Variants in PDE2A observed in about 807,000 individuals in gnomAD.
The protein encoded by PDE2A is phosphodiesterase 2A.
In PDE2A, 53 loss-of-function variants were observed where a neutral mutation model predicts 133.6. The ratio of observed to expected loss-of-function variants is 0.40; its 90% CI spans 0.32 to 0.50. The LOEUF (loss-of-function observed/expected upper bound fraction) is 0.50, where lower values mean the gene tolerates loss of function less well. Ranked by LOEUF, PDE2A falls within the 20% of genes least tolerant of loss-of-function variation. The pLI is 0.73. For synonymous variants in PDE2A, 491 were observed against 490.2 expected, an observed-to-expected ratio of 1.00 and a Z score of -0.02; for missense variants, 796 against 1,232.4, an observed-to-expected ratio of 0.65 and a Z score of 5.30.
chr11:72,673,772 T>C (rs553852190), intron 1 of PDE2A, among the ~76,000 whole-genome samples: 1 of 152,090 alleles, frequency 6.6e-6, no homozygotes, highest in Admixed American at 6.5e-5. Context: ...ACCAGCCTAT[T>C]GCAGCCCCGA....
intron 26 of PDE2A, 46 bp from the exon 27 acceptor site, chr11:72,579,429 A>T (rs1334668275): frequency 1.3e-6 from 2 of 1,569,822 alleles, no homozygotes; most frequent in African/African-American, 2.7e-5. Flanking sequence ...GGACACCCCC[A>T]CCCATTTGCC....
At chr11:72,639,408 C>T (rs1203073664) in intron 2 of PDE2A, among the ~76,000 whole-genome samples, 3 of 152,190 alleles carry the variant, frequency 2.0e-5, no homozygotes, top group Non-Finnish European at 4.4e-5. Flanking sequence ...GGCTGCTCAG[C>T]CCCGCTGACA....
intron 1 of PDE2A, among the ~76,000 whole-genome samples, chr11:72,671,103 C>T (rs1056322588): frequency 1.3e-5 from 2 of 152,156 alleles, no homozygotes; most frequent in Admixed American, 6.5e-5. Context: ...CTTCAAGGTC[C>T]GGCTCAAATG....
At chr11:72,614,995 C>G in intron 2 of PDE2A, 2 of 402,452 alleles carry the variant, frequency 5.0e-6, no homozygotes, top group South Asian at 3.4e-5. Context: ...CCTCTACTTA[C>G]CCCCTCCCGC....
At chr11:72,599,341 G>T (rs1159858047) in intron 4 of PDE2A, among the ~76,000 whole-genome samples, 1 of 151,850 alleles carries the variant, frequency 6.6e-6, no homozygotes, top group Non-Finnish European at 1.5e-5. Flanking sequence ...ATACCCAAAG[G>T]CCACCTGGAG....
At chr11:72,631,890 C>A (rs553068572) in intron 2 of PDE2A, among the ~76,000 whole-genome samples, 12 of 152,290 alleles carry the variant, frequency 7.9e-5, no homozygotes, top group African/African-American at 2.9e-4. Context: ...CACCCCCACC[C>A]AACAAGCCTA....
chr11:72,662,877 T>C (rs906211833), intron 1 of PDE2A, among the ~76,000 whole-genome samples: 2 of 152,156 alleles, frequency 1.3e-5, no homozygotes, highest in African/African-American at 4.8e-5. Context: ...TTTCCTCTGC[T>C]TCCCTTTGTG....
At chr11:72,606,419 C>A (rs1285704470) in intron 3 of PDE2A, among the ~76,000 whole-genome samples, 1 of 152,192 alleles carries the variant, frequency 6.6e-6, no homozygotes, top group Non-Finnish European at 1.5e-5. Context: ...CTGAGAGCGT[C>A]CACAATCCTG....
chr11:72,591,417 T>C, intron 6 of PDE2A, 61 bp from the exon 7 acceptor site: 1 of 1,336,512 alleles, frequency 7.5e-7, no homozygotes. Context: ...TCTGCCAGAG[T>C]GCCCTCCCCA....
At chr11:72,611,480 C>T (rs916480556) in intron 2 of PDE2A, among the ~76,000 whole-genome samples, 6 of 152,198 alleles carry the variant, frequency 3.9e-5, no homozygotes, top group Admixed American at 2.0e-4. Context: ...ATGCCCTCAA[C>T]TGTCCTTTAC....
At chr11:72,618,574 AC>A (rs777113961) in intron 2 of PDE2A, among the ~76,000 whole-genome samples, 7 of 152,142 alleles carry the variant, frequency 4.6e-5, no homozygotes, top group Non-Finnish European at 1.0e-4. Context: ...ACTCCCCTGA[AC>A]CCAGACCTTC....
chr11:72,629,940 C>T (rs905528907), intron 2 of PDE2A, among the ~76,000 whole-genome samples: 1 of 152,144 alleles, frequency 6.6e-6, no homozygotes, highest in African/African-American at 2.4e-5. Flanking sequence ...ATCTTCCTCT[C>T]CCTCTCAGCC....
chr11:72,627,315 C>G (rs1858130220), intron 2 of PDE2A, among the ~76,000 whole-genome samples: 1 of 152,204 alleles, frequency 6.6e-6, no homozygotes, highest in Non-Finnish European at 1.5e-5. Context: ...CGTGGGGTAA[C>G]AGGTTTCCCA....
In PDE2A at chr11:72,578,900, G is replaced by T; in HGVS notation, c.2466C>A (p.Ile822=). The change falls in exon 28 of 31, where the codon ATC becomes ATA. Residue 822 remains isoleucine (I), a synonymous_variant. Transcript: ENST00000334456. This position sits in a 1 kb window ranked among gnomAD's most constrained non-coding sequence, Gnocchi z 4.2. ...TCCCAGGGAGGACTACACCTACCGCGATCTTTCTCGTAGTCTTCCAGCCCT... is the reference window on the plus strand; with the variant it reads ...TCCCAGGGAGGACTACACCTACCGCTATCTTTCTCGTAGTCTTCCAGCCCT... ...QTKGWKTTRK[I]AELIYKEFFS... is the part of the protein sequence containing the mutation. 2 of 1,604,658 alleles carry T rather than the reference G, an allele frequency of 1.2e-6. No individual in the cohort carries two copies. Among genetic ancestry groups the T allele is most frequent in the Non-Finnish European group, 1.7e-6 (2 of 1,171,444 alleles).
At chr11:72,653,286 G>T (rs946703636) in intron 1 of PDE2A, among the ~76,000 whole-genome samples, 31 of 152,220 alleles carry the variant, frequency 2.0e-4, no homozygotes, top group Middle Eastern at 3.2e-3. Context: ...GAGGCCCAGA[G>T]ATAAGAGCAG....
At chr11:72,644,945 T>C (rs554200287) in intron 1 of PDE2A, among the ~76,000 whole-genome samples, 1 of 152,088 alleles carries the variant, frequency 6.6e-6, no homozygotes, top group Non-Finnish European at 1.5e-5. Context: ...TTAGTACAGA[T>C]GGGATTTCGC....
rs1053649035 is a variant in PDE2A, at chr11:72,589,671, C to G, written c.873+80G>C. The G allele has an allele frequency of 4.1e-6, 5 of 1,217,754 alleles. No individual in the cohort carries two copies. In the African/African-American group the frequency reaches 6.0e-5, roughly 15 times the overall value. The allele number at this position is 1,217,754 out of a possible 1,614,324, so 75.4% of individuals were successfully genotyped here. On this transcript the variant is annotated intron_variant, in intron 11 of 30. Coordinates refer to ENST00000334456, the MANE Select transcript of PDE2A (RefSeq NM_002599.5). The stretch of plus-strand genomic sequence containing the variant: ...TCCAAGAGTCTAGAAGATCCAAATA[C>G]TCCAGGCAGATCCCAGGAGTGTCTA...
intron 6 of PDE2A, among the ~76,000 whole-genome samples, chr11:72,593,119 C>T (rs1338866682): frequency 1.3e-5 from 2 of 151,800 alleles, no homozygotes; most frequent in Non-Finnish European, 2.9e-5. Context: ...CACCTACACT[C>T]TCATGAAGAA....
At chr11:72,608,377 T>C (rs1363483964) in intron 3 of PDE2A, among the ~76,000 whole-genome samples, 1 of 152,180 alleles carries the variant, frequency 6.6e-6, no homozygotes, top group Non-Finnish European at 1.5e-5. Context: ...GTGAATCCCT[T>C]TCATTATCTG....
Sources: gnomAD v4.1 joint callset for allele counts (sites outside exome capture counted in the v4.1 genomes callset) on GRCh38, gnomAD v4.1.1 for gene constraint, Gnocchi (gnomAD v3.1) non-coding constraint, MANE v1.5 for transcripts, NCBI Gene and HGNC (gene_info 2026-07-23, HGNC 2026-07-21) for gene names.